The following PDE4B variants were observed in gnomAD, a reference collection of about 807,000 sequenced individuals.
PDE4B encodes the protein phosphodiesterase 4B, also known as 3',5'-cyclic-AMP phosphodiesterase 4B.
PDE4B carries 20 observed loss-of-function variants against 82.2 expected under a neutral mutation model. The observed-to-expected ratio is 0.24, with a 90% confidence interval of 0.17 to 0.35. The LOEUF is 0.35. Ranked by LOEUF, PDE4B falls within the 10% of genes least tolerant of loss-of-function variation. The probability of loss-of-function intolerance (pLI) is 1.00; values close to 1 mark genes in which losing one functional copy is unlikely to be tolerated. For synonymous variants in PDE4B, 320 were observed against 318.9 expected, an observed-to-expected ratio of 1.00 and a Z score of -0.04; for missense variants, 655 against 907.2, an observed-to-expected ratio of 0.72 and a Z score of 3.57.
intron 3 of PDE4B, among the ~76,000 whole-genome samples, chr1:66,106,279 G>A (rs1000810176): frequency 1.7e-4 from 26 of 151,354 alleles, no homozygotes; most frequent in Middle Eastern, 3.4e-3. Context: ...TGCATCCCAG[G>A]GATGAAGCCC....
chr1:65,874,862 AATATTACC>A (rs1159589363), intron 1 of PDE4B, among the ~76,000 whole-genome samples: 1 of 152,170 alleles, frequency 6.6e-6, no homozygotes, highest in Non-Finnish European at 1.5e-5. Context: ...AACCTAGGCT[AATATTACC>A]ATTCAGGACA....
chr1:66,058,245 A>G (rs532063640), intron 3 of PDE4B, among the ~76,000 whole-genome samples: 1 of 152,228 alleles, frequency 6.6e-6, no homozygotes, highest in Admixed American at 6.5e-5. Flanking sequence ...TTCCCATGGT[A>G]TTGGGCAGCT....
At chr1:66,324,987 A>AT (rs1463294560) in intron 7 of PDE4B, among the ~76,000 whole-genome samples, 1 of 152,222 alleles carries the variant, frequency 6.6e-6, no homozygotes, top group Admixed American at 6.5e-5. Context: ...AAGGGAAAAA[A>AT]TCACAACCAA....
In PDE4B at chr1:66,361,599, C is replaced by T; in HGVS notation, c.842-16C>T. 6.2e-7 allele frequency: 1 copy of T among 1,601,832 alleles called. No homozygotes were observed. Among genetic ancestry groups the T allele is most frequent in the Non-Finnish European group, 8.5e-7 (1 of 1,172,960 alleles). On this transcript the variant is annotated splice_polypyrimidine_tract_variant and intron_variant, in intron 9 of 16. Coordinates refer to ENST00000341517, the MANE Select transcript of PDE4B (RefSeq NM_002600.4). The stretch of plus-strand genomic sequence containing the variant: ...AGACACATGTGCTGAAAAACATATT[C>T]CTTTGTCTGTTGCAGACAAGCAGAA...
intron 7 of PDE4B, among the ~76,000 whole-genome samples, chr1:66,271,347 C>T (rs1655459109): frequency 6.6e-6 from 1 of 152,182 alleles, no homozygotes; most frequent in Non-Finnish European, 1.5e-5. Context: ...GTGTTGACTC[C>T]ACTTCACATT....
At chr1:65,805,707 T>C (rs184934065) in intron 1 of PDE4B, among the ~76,000 whole-genome samples, 64 of 152,282 alleles carry the variant, frequency 4.2e-4, no homozygotes, top group Non-Finnish European at 7.9e-4. Context: ...CATCTGGAAA[T>C]GTTTTTCTTC....
At chr1:66,221,913 A>G (rs1570498927) in intron 3 of PDE4B, among the ~76,000 whole-genome samples, 1 of 150,380 alleles carries the variant, frequency 6.6e-6, no homozygotes, top group Non-Finnish European at 1.5e-5. Flanking sequence ...TTTTATCTCC[A>G]TGTCTGTATT....
chr1:66,186,592 A>C (rs1359067743), intron 3 of PDE4B, among the ~76,000 whole-genome samples: 2 of 152,176 alleles, frequency 1.3e-5, no homozygotes, highest in Non-Finnish European at 2.9e-5. Flanking sequence ...ATTCTCTTTG[A>C]AGCAATTGTG....
chr1:66,287,285 A>T (rs1656747410), intron 7 of PDE4B, among the ~76,000 whole-genome samples: 1 of 152,168 alleles, frequency 6.6e-6, no homozygotes, highest in Admixed American at 6.6e-5. Flanking sequence ...GAGTTTTGAC[A>T]TCAGAAACTC....
At chr1:65,799,778 G>C (rs1645673737) in intron 1 of PDE4B, among the ~76,000 whole-genome samples, 1 of 152,154 alleles carries the variant, frequency 6.6e-6, no homozygotes, top group Admixed American at 6.5e-5. Context: ...AGGACCAGCA[G>C]GTGTTCAAAC....
intron 1 of PDE4B, among the ~76,000 whole-genome samples, chr1:65,842,017 CT>C (rs1646212689): frequency 6.6e-6 from 1 of 152,136 alleles, no homozygotes; most frequent in Admixed American, 6.6e-5. Context: ...ATTAAATCAA[CT>C]TAGTCTTTCC....
At chr1:65,938,590 G>A (rs1648278557) in intron 3 of PDE4B, among the ~76,000 whole-genome samples, 1 of 152,114 alleles carries the variant, frequency 6.6e-6, no homozygotes, top group Non-Finnish European at 1.5e-5. Flanking sequence ...TAGTAGTTAT[G>A]GTCTGGTAGA....
chr1:65,904,024 G>T (rs565030426), intron 1 of PDE4B, among the ~76,000 whole-genome samples: 1 of 152,166 alleles, frequency 6.6e-6, no homozygotes, highest in Non-Finnish European at 1.5e-5. Flanking sequence ...TCTGAGAAAG[G>T]AATGCACAGA....
chr1:66,288,770 A>G (rs1317393862), intron 7 of PDE4B, among the ~76,000 whole-genome samples: 1 of 152,162 alleles, frequency 6.6e-6, no homozygotes, highest in Non-Finnish European at 1.5e-5. Flanking sequence ...AGTGATAAGG[A>G]GTTCACAGAG....
intron 7 of PDE4B, among the ~76,000 whole-genome samples, chr1:66,308,348 A>G (rs1417041474): frequency 6.6e-6 from 1 of 152,188 alleles, no homozygotes; most frequent in East Asian, 1.9e-4. Flanking sequence ...GAAACTTATT[A>G]TTGAAGTATC....
At chr1:65,940,277 A>T (rs1232092128) in intron 3 of PDE4B, among the ~76,000 whole-genome samples, 1 of 152,080 alleles carries the variant, frequency 6.6e-6, no homozygotes, top group Non-Finnish European at 1.5e-5. Context: ...CATAGGAGAA[A>T]AAAGGCCGGG....
chr1:66,236,691 T>G (rs992675303), intron 3 of PDE4B, among the ~76,000 whole-genome samples: 1 of 152,158 alleles, frequency 6.6e-6, no homozygotes, highest in African/African-American at 2.4e-5. Context: ...AGAGTAAATG[T>G]ATGCAGAAGG....
chr1:65,976,294 C>T (rs1405961335), intron 3 of PDE4B, among the ~76,000 whole-genome samples: 3 of 152,204 alleles, frequency 2.0e-5, no homozygotes, highest in Non-Finnish European at 2.9e-5. Flanking sequence ...GTGCCTGTAG[C>T]CCCTTTGGTT....
chr1:65,872,999 A>G (rs1416550808), intron 1 of PDE4B, among the ~76,000 whole-genome samples: 1 of 152,172 alleles, frequency 6.6e-6, no homozygotes, highest in African/African-American at 2.4e-5. Context: ...ATTCAAACAT[A>G]TTAATCTAGG....
Sources: allele counts gnomAD v4.1 joint callset (sites outside exome capture counted in the v4.1 genomes callset), GRCh38; gene constraint gnomAD v4.1.1; transcripts MANE v1.5; gene names NCBI Gene and HGNC (gene_info 2026-07-23, HGNC 2026-07-21).